Variants in EPHB6 observed in about 807,000 individuals in gnomAD.
The protein encoded by EPHB6 is EPH receptor B6, also known as ephrin type-B receptor 6.
A neutral mutation model predicts 107.0 loss-of-function variants in EPHB6; 51 were observed. The observed-to-expected ratio is 0.48, with a 90% CI of 0.38 to 0.60. The LOEUF (loss-of-function observed/expected upper bound fraction) is 0.60, where lower values mean the gene tolerates loss of function less well. Among genes scored for constraint, EPHB6 ranks in the 20% least tolerant of loss-of-function variants. The pLI is 0.00. For missense variants in EPHB6, 1,141 were observed against 1,355.5 expected (o/e 0.84, Z 2.48); for synonymous variants, 553 against 549.0 (o/e 1.01, Z -0.10).
At position 142,868,969 on chromosome 7, in the gene EPHB6, C is replaced by A. The variant is rs732519; in HGVS notation, c.2287-5C>A. On this transcript the variant is annotated splice_region_variant and splice_polypyrimidine_tract_variant and intron_variant, in intron 15 of 19. Coordinates refer to ENST00000652003, the MANE Select transcript of EPHB6 (RefSeq NM_004445.6). The surrounding 1 kb of genome is among the most constrained non-coding windows in gnomAD (Gnocchi z 4.2). ...TGACCTCTGCCCCCTGCCCCTTCCC[C>A]TCAGCAGCGGGAGGGCCAGTTCAGC... The A allele has an allele frequency of 2.5e-6, 4 of 1,607,384 alleles. No homozygotes were observed. Among genetic ancestry groups the A allele is most frequent in the Non-Finnish European group, 3.4e-6 (4 of 1,179,836 alleles).
chr7:142,866,148 G>T lies in EPHB6; in HGVS notation c.1294G>T (p.Val432Phe), dbSNP rs2116444290. ...CACTTGTCACCGCTGCAGGGATGAG[G>T]TCCACTTCGACCCTCGCCAGAGAGG... ...GGTCHRCRDEVHFDPRQRGLT... is the reference protein window; with the variant it reads ...GGTCHRCRDEFHFDPRQRGLT... The change falls in exon 9 of 20, where the codon GTC (valine) becomes TTC (phenylalanine). Residue 432 changes from valine (V) to phenylalanine (F), a missense_variant. By Grantham distance (50) the Val-to-Phe change is conservative (BLOSUM62 -1). Transcript: ENST00000652003. The surrounding 1 kb of genome is among the most constrained non-coding windows in gnomAD (Gnocchi z 5.2). 1 of 1,614,052 alleles carries T rather than the reference G, an allele frequency of 6.2e-7. No homozygotes were observed. The highest frequency in any genetic ancestry group is 8.5e-7 in the Non-Finnish European group (1 of 1,180,018).
intron 2 of EPHB6, among the ~76,000 whole-genome samples, chr7:142,861,732 T>C (rs1228795539): frequency 1.3e-5 from 2 of 152,208 alleles, no homozygotes; most frequent in African/African-American, 4.8e-5. Context: ...TTTTCTCTTA[T>C]AAACAATTTG....
rs546641255 is a variant in EPHB6 at position 142,869,637 on chromosome 7, G to A, written c.2461-180G>A. On this transcript the variant is annotated intron_variant, in intron 16 of 19. Transcript: ENST00000652003. The surrounding 1 kb of genome is among the most constrained non-coding windows in gnomAD (Gnocchi z 4.5). ...AGCACATAGTAGTTGCTCCATAAAC[G>A]TGACTATTGCTTCTGCTTCTGTGAA... 5.1e-5 allele frequency: 37 copies of A among 732,424 alleles called. No individual in the cohort carries two copies. Among genetic ancestry groups the A allele is most frequent in the South Asian group, 3.2e-4 (19 of 59,902 alleles). The allele number at this position is 732,424 out of a possible 1,614,324, so 45.4% of individuals were successfully genotyped here. A position where few individuals can be genotyped will look rare whatever the true frequency, so the allele number is the denominator to read the frequency against.
Position 142,864,316 on chromosome 7 carries a change from CT to C in EPHB6, c.517del (p.Ser173ProfsTer23). On this transcript the variant is annotated frameshift_variant, in exon 7 of 20. Transcript: ENST00000652003. LOFTEE classifies it high-confidence loss of function. ...TTCCCTCCTCCTCCTCCTCCTCCTC[CT>C]CCTCTTCTTCCTCTGCAGCGTGGGC... ...SFPSSSSSSSSSSSSAAWAVG... is the reference protein window; with the variant it reads ...SFPSSSSSSSXSSSSAAWAVG... The C allele has an allele frequency of 6.2e-7, 1 of 1,613,110 alleles. No homozygotes were observed. Among genetic ancestry groups the C allele is most frequent in the Non-Finnish European group, 8.5e-7 (1 of 1,179,788 alleles).
chr7:142,862,386 G>T (rs1295559261), intron 3 of EPHB6, among the ~76,000 whole-genome samples: 1 of 152,202 alleles, frequency 6.6e-6, no homozygotes, highest in Non-Finnish European at 1.5e-5. Context: ...ATATGTTAAA[G>T]CCATAGGGTT....
At chr7:142,856,858 C>T (rs1011835348) in intron 1 of EPHB6, among the ~76,000 whole-genome samples, 5 of 151,652 alleles carry the variant, frequency 3.3e-5, no homozygotes, top group African/African-American at 1.2e-4. Flanking sequence ...AGCAACAGCC[C>T]CCATCTACAC....
Position 142,869,248 on chromosome 7 carries a change from CG to C in EPHB6, c.2460+105del, listed in dbSNP as rs1396384382. ...TGGAATCTGGGGTAGGTACCTCAGC[CG>C]GGGTGTCATAGTCCCTGAAAGGAGG... On this transcript the variant is annotated intron_variant, in intron 16 of 19. Coordinates refer to ENST00000652003, the MANE Select transcript of EPHB6 (RefSeq NM_004445.6). This position sits in a 1 kb window ranked among gnomAD's most constrained non-coding sequence, Gnocchi z 4.5. 7.4e-7 allele frequency: 1 copy of C among 1,356,314 alleles called. No individual in the cohort carries two copies. Among genetic ancestry groups the C allele is most frequent in the Non-Finnish European group, 1.0e-6 (1 of 970,156 alleles). 84.0% of individuals were successfully genotyped at this position (1,356,314 alleles called of 1,614,324 possible). A position where few individuals can be genotyped will look rare whatever the true frequency, so the allele number is the denominator to read the frequency against.
In EPHB6 at chr7:142,868,003, G is replaced by A. The variant is rs1386453261; in HGVS notation, c.1872G>A (p.Arg624=). 1.9e-6 allele frequency: 3 copies of A among 1,579,774 alleles called. No homozygotes were observed. Among genetic ancestry groups the A allele is most frequent in the Non-Finnish European group, 2.6e-6 (3 of 1,162,792 alleles). The change falls in exon 13 of 20, where the codon CGG becomes CGA. Residue 624 remains arginine, a synonymous_variant. Coordinates refer to ENST00000652003, the MANE Select transcript of EPHB6 (RefSeq NM_004445.6). The surrounding 1 kb of genome is among the most constrained non-coding windows in gnomAD (Gnocchi z 4.2). Reference sequence around the variant, plus strand: ...TCACCGTTTTGTTCCTCAGGAAGCGGCGTGGGACTGGCTACACAGAGCAGC... The same window carrying A: ...TCACCGTTTTGTTCCTCAGGAAGCGACGTGGGACTGGCTACACAGAGCAGC... The part of the protein sequence containing the change: ...TVLAVVFQRK[R]RGTGYTEQLQ...
rs1159813037 is a variant in EPHB6 at position 142,855,571 on chromosome 7, G to A, written c.-432+186G>A. 6.6e-6 allele frequency among the ~76,000 whole-genome samples: 1 copy of A among 152,146 alleles called. No homozygotes were observed. The highest frequency in any genetic ancestry group is 2.4e-5 in the African/African-American group (1 of 41,428). Reference sequence around the variant, plus strand: ...GAAGGGTGAGGAAACGGTCAACCTGGCTACTCCCCTCTCACTCCACTCTGA... The same window carrying A: ...GAAGGGTGAGGAAACGGTCAACCTGACTACTCCCCTCTCACTCCACTCTGA... On this transcript the variant is annotated intron_variant, in intron 1 of 19. Coordinates refer to ENST00000652003, the MANE Select transcript of EPHB6 (RefSeq NM_004445.6). This position sits in a 1 kb window ranked among gnomAD's most constrained non-coding sequence, Gnocchi z 4.2.
Position 142,868,925 on chromosome 7 carries a change from TCCCCCTGTCTCCGATCACTGACCTCTG to T in EPHB6, c.2287-41_2287-15del. On this transcript the variant is annotated intron_variant, in intron 15 of 19. Coordinates refer to ENST00000652003, the MANE Select transcript of EPHB6 (RefSeq NM_004445.6). This position sits in a 1 kb window ranked among gnomAD's most constrained non-coding sequence, Gnocchi z 4.2. ...GTCTGCTATGCAGTATGTTGAGGTC[TCCCCCTGTCTCCGATCACTGACCTCTG>T]CCCCCTGCCCCTTCCCCTCAGCAGC... 6.7e-7 allele frequency: 1 copy of T among 1,500,234 alleles called. No homozygotes were observed. Among genetic ancestry groups the T allele is most frequent in the Non-Finnish European group, 8.9e-7 (1 of 1,120,744 alleles). 92.9% of individuals were successfully genotyped at this position (1,500,234 alleles called of 1,614,324 possible).
Position 142,867,808 on chromosome 7 carries a change from C to T in EPHB6, c.1865+86C>T. On this transcript the variant is annotated intron_variant, in intron 12 of 19. Transcript: ENST00000652003. The surrounding 1 kb of genome is among the most constrained non-coding windows in gnomAD (Gnocchi z 5.3). ...GTCCTGCCAAGTCTGGAGCCCCCTG[C>T]AGAAACCTCACACTGGTGCTCCTCC... 1 of 1,445,902 alleles carries T rather than the reference C, an allele frequency of 6.9e-7. No homozygotes were observed. The highest frequency in any genetic ancestry group is 9.5e-7 in the Non-Finnish European group (1 of 1,054,986). 89.6% of individuals were successfully genotyped at this position (1,445,902 alleles called of 1,614,324 possible). A position where few individuals can be genotyped will look rare whatever the true frequency, so the allele number is the denominator to read the frequency against.
rs764604047 is a variant in EPHB6, at chr7:142,866,461, A to AT, written c.1463-16dup. The AT allele has an allele frequency of 6.2e-7, 1 of 1,613,370 alleles. No individual in the cohort carries two copies. The highest frequency in any genetic ancestry group is 1.3e-5 in the African/African-American group (1 of 74,772). ...CCCAGGGACTCCTATCCCCATAATAATTTTCCTTTTGCACTCTAGTGCCCT... is the reference window on the plus strand; with the variant it reads ...CCCAGGGACTCCTATCCCCATAATAATTTTTCCTTTTGCACTCTAGTGCCCT... On this transcript the variant is annotated intron_variant, in intron 9 of 19. Transcript: ENST00000652003. This position sits in a 1 kb window ranked among gnomAD's most constrained non-coding sequence, Gnocchi z 5.2.
rs1586167688 is a variant in EPHB6 at position 142,866,832 on chromosome 7, G to A, written c.1588-74G>A. 6.2e-7 allele frequency: 1 copy of A among 1,611,744 alleles called. No homozygotes were observed. Among genetic ancestry groups the A allele is most frequent in the East Asian group, 2.2e-5 (1 of 44,854 alleles). On this transcript the variant is annotated intron_variant, in intron 10 of 19. Transcript: ENST00000652003. The surrounding 1 kb of genome is among the most constrained non-coding windows in gnomAD (Gnocchi z 5.2). Reference sequence around the variant, plus strand: ...CTGAGAGCCCTGTCAACCAGGGAGGGTGGCTGGGGGCCTTAGGGGCAGAAG... The same window carrying A: ...CTGAGAGCCCTGTCAACCAGGGAGGATGGCTGGGGGCCTTAGGGGCAGAAG...
At position 142,858,477 on chromosome 7, in the gene EPHB6, C is replaced by G. The variant is rs547345773; in HGVS notation, c.-431-2575C>G. Reference sequence around the variant, plus strand: ...TTGAGACAGCATCTTGCTCTGTCGCCGAGGCTGGAGTGCAGTGGCACGATC... The same window carrying G: ...TTGAGACAGCATCTTGCTCTGTCGCGGAGGCTGGAGTGCAGTGGCACGATC... On this transcript the variant is annotated intron_variant, in intron 1 of 19. Transcript: ENST00000652003. 3.5e-5 allele frequency among the ~76,000 whole-genome samples: 4 copies of G among 114,610 alleles called. No homozygotes were observed. In the South Asian group the frequency reaches 1.2e-3, roughly 33 times the overall value. 75.2% of individuals were successfully genotyped at this position (114,610 alleles called of 152,430 possible). A position where few individuals can be genotyped will look rare whatever the true frequency, so the allele number is the denominator to read the frequency against.
Position 142,862,852 on chromosome 7 carries a change from C to A in EPHB6, c.-102+19C>A. On this transcript the variant is annotated intron_variant, in intron 4 of 19. Coordinates refer to ENST00000652003, the MANE Select transcript of EPHB6 (RefSeq NM_004445.6). Reference sequence around the variant, plus strand: ...AAAAAGGGTAAGATTGACCCAGAAACACCCTCTGCCCCACTTCTAGGAAGG... The same window carrying A: ...AAAAAGGGTAAGATTGACCCAGAAAAACCCTCTGCCCCACTTCTAGGAAGG... 9.1e-6 allele frequency: 2 copies of A among 220,322 alleles called. No individual in the cohort carries two copies. Among genetic ancestry groups the A allele is most frequent in the East Asian group, 8.7e-5 (1 of 11,552 alleles). 13.6% of individuals were successfully genotyped at this position (220,322 alleles called of 1,614,324 possible). A position where few individuals can be genotyped will look rare whatever the true frequency, so the allele number is the denominator to read the frequency against.
At chr7:142,865,876 A>G in intron 8 of EPHB6, 84 bp from the exon 9 acceptor site, 1 of 1,350,476 alleles carries the variant, frequency 7.4e-7, no homozygotes, top group Non-Finnish European at 1.0e-6. Flanking sequence ...TCGGCCACCC[A>G]CCCTCCCCTG....
chr7:142,857,406 A>G (rs933074278), intron 1 of EPHB6, among the ~76,000 whole-genome samples: 2 of 152,248 alleles, frequency 1.3e-5, no homozygotes, highest in Admixed American at 1.3e-4. Flanking sequence ...AGGCCAGAGC[A>G]CGAAGAGATC....
Position 142,868,340 on chromosome 7 carries a change from T to C in EPHB6, c.2018T>C (p.Ile673Thr). 1.9e-6 allele frequency: 3 copies of C among 1,613,928 alleles called. No homozygotes were observed. Among genetic ancestry groups the C allele is most frequent in the Middle Eastern group, 1.6e-4 (1 of 6,062 alleles). The change falls in exon 14 of 20, where the codon ATT (isoleucine) becomes ACT (threonine). Residue 673 changes from isoleucine (I) to threonine (T), a missense_variant. Transcript: ENST00000652003. The surrounding 1 kb of genome is among the most constrained non-coding windows in gnomAD (Gnocchi z 4.2). The stretch of plus-strand genomic sequence containing the variant: ...GAAGTCGATCCTGCTTATATCAAGA[T>C]TGAGGAGGTCATTGGGACAGGTACA... ...AREVDPAYIK[I>T]EEVIGTGSFG... is the part of the protein sequence containing the mutation.
chr7:142,860,436 G>A (rs1367631405), intron 1 of EPHB6, among the ~76,000 whole-genome samples: 1 of 152,320 alleles, frequency 6.6e-6, no homozygotes, highest in East Asian at 1.9e-4. Context: ...GTTTGGAGGG[G>A]ATGCACTTAC....
Sources: gnomAD v4.1 joint callset for allele counts (sites outside exome capture counted in the v4.1 genomes callset) on GRCh38, gnomAD v4.1.1 for gene constraint, Gnocchi (gnomAD v3.1) non-coding constraint, MANE v1.5 for transcripts, NCBI Gene and HGNC (gene_info 2026-07-23, HGNC 2026-07-21) for gene names.